Variants in CMKLR2 observed in about 807,000 individuals in gnomAD.
CMKLR2 encodes chemerin chemokine-like receptor 2.
Under a neutral mutation model 23.0 loss-of-function variants are expected in CMKLR2, and 18 were observed. The observed-to-expected ratio is 0.78, with a 90% CI of 0.54 to 1.16. The LOEUF (loss-of-function observed/expected upper bound fraction) is 1.16, where lower values mean the gene tolerates loss of function less well. Ranked by LOEUF, CMKLR2 falls within the 50% of genes most tolerant of loss-of-function variation. CMKLR2 has a pLI of 0.00. For missense variants in CMKLR2, 401 were observed against 412.7 expected (o/e 0.97, Z 0.25); for synonymous variants, 158 against 158.9 (o/e 0.99, Z 0.05).
At chr2:206,207,297 C>T (rs1351377343) in intron 1 of CMKLR2, among the ~76,000 whole-genome samples, 1 of 151,844 alleles carries the variant, frequency 6.6e-6, no homozygotes, top group African/African-American at 2.4e-5. Flanking sequence ...TGTGCCACCC[C>T]ACTTGGCTAA....
intron 1 of CMKLR2, among the ~76,000 whole-genome samples, chr2:206,193,181 C>A (rs994598194): frequency 1.3e-5 from 2 of 152,168 alleles, no homozygotes; most frequent in African/African-American, 4.8e-5. Context: ...CCACTGCAAC[C>A]TCCACCTCCT....
intron 1 of CMKLR2, among the ~76,000 whole-genome samples, chr2:206,179,077 T>G (rs1228933560): frequency 0.025 from 3,109 of 123,972 alleles, 349 homozygotes; most frequent in African/African-American, 0.088. Context: ...TTTTTTTTTT[T>G]TTTTTTTTTT....
intron 1 of CMKLR2, among the ~76,000 whole-genome samples, chr2:206,189,834 G>A (rs1417076582): frequency 6.6e-6 from 1 of 152,044 alleles, no homozygotes; most frequent in Non-Finnish European, 1.5e-5. Context: ...GGTGGTATTT[G>A]GGACATTGCT....
intron 1 of CMKLR2, among the ~76,000 whole-genome samples, chr2:206,181,607 T>C (rs1446878471): frequency 1.3e-5 from 2 of 152,210 alleles, no homozygotes; most frequent in Non-Finnish European, 2.9e-5. Flanking sequence ...TTTTATGTAT[T>C]ATATACGTAT....
intron 1 of CMKLR2, among the ~76,000 whole-genome samples, chr2:206,179,811 T>G (rs17222585): frequency 0.11 from 16,155 of 152,200 alleles, 1,001 homozygotes; most frequent in Admixed American, 0.2. Context: ...TTATATTCAT[T>G]TCATGGAGTT....
intron 1 of CMKLR2, among the ~76,000 whole-genome samples, chr2:206,195,319 C>T (rs910109683): frequency 6.6e-6 from 1 of 152,168 alleles, no homozygotes; most frequent in African/African-American, 2.4e-5. Context: ...TCTTCAGATA[C>T]TTGAAGATGC....
Position 206,176,567 on chromosome 2 carries a change from C to T in CMKLR2, c.681G>A (p.Leu227=), listed in dbSNP as rs1688222229. 6 of 1,614,110 alleles carry T rather than the reference C, an allele frequency of 3.7e-6. No individual in the cohort carries two copies. The highest frequency in any genetic ancestry group is 4.2e-6 in the Non-Finnish European group (5 of 1,180,022). Reference sequence around the variant, plus strand: ...GCTTCTTCACCTTGAAGATGAGACACAAGTAGCAAATACTCATTGTTAGCA... The same window carrying T: ...GCTTCTTCACCTTGAAGATGAGACATAAGTAGCAAATACTCATTGTTAGCA... ...FPLLTMSICY[L]CLIFKVKKRS... The change falls in exon 2 of 2, where the codon TTG becomes TTA. Residue 227 remains leucine, a synonymous_variant. Transcript: ENST00000621141.
At chr2:206,206,877 A>T (rs1689340603) in intron 1 of CMKLR2, among the ~76,000 whole-genome samples, 11 of 149,482 alleles carry the variant, frequency 7.4e-5, no homozygotes, top group Admixed American at 7.3e-4. Context: ...GTTCTTGATT[A>T]TCATCAAATC....
intron 1 of CMKLR2, among the ~76,000 whole-genome samples, chr2:206,202,516 A>G (rs955486596): frequency 3.3e-5 from 5 of 152,122 alleles, no homozygotes; most frequent in Admixed American, 6.5e-5. Context: ...ACTGGAGTGC[A>G]GTGGCGCAAT....
chr2:206,215,069 A>G (rs1372594075), upstream of CMKLR2, among the ~76,000 whole-genome samples: 2 of 152,178 alleles, frequency 1.3e-5, no homozygotes, highest in Non-Finnish European at 2.9e-5. Flanking sequence ...TAGGAAATCT[A>G]AAGCAGGAAT....
chr2:206,209,741 C>T (rs1293737510), intron 1 of CMKLR2, among the ~76,000 whole-genome samples: 3 of 151,024 alleles, frequency 2.0e-5, no homozygotes, highest in Admixed American at 2.0e-4. Flanking sequence ...CTCCGCCTCC[C>T]GGGTTCACGC....
At chr2:206,195,103 C>CA (rs1345609858) in intron 1 of CMKLR2, among the ~76,000 whole-genome samples, 3 of 152,122 alleles carry the variant, frequency 2.0e-5, no homozygotes, top group Admixed American at 6.5e-5. Flanking sequence ...ACAAAGGTAG[C>CA]AACTGCAACA....
chr2:206,212,291 A>C (rs77116592), intron 1 of CMKLR2, among the ~76,000 whole-genome samples: 2,655 of 152,304 alleles, frequency 0.017, 83 homozygotes, highest in African/African-American at 0.06. Context: ...GGCCATGAAA[A>C]ACATAATAAT....
upstream of CMKLR2, among the ~76,000 whole-genome samples, chr2:206,214,782 C>T (rs1481905943): frequency 1.3e-5 from 2 of 151,862 alleles, no homozygotes; most frequent in Non-Finnish European, 2.9e-5. Context: ...CGCCACCACG[C>T]CCGGCTAATT....
intron 1 of CMKLR2, among the ~76,000 whole-genome samples, chr2:206,208,701 A>C (rs572882627): frequency 6.6e-5 from 10 of 151,368 alleles, no homozygotes; most frequent in Non-Finnish European, 1.0e-4. Context: ...ATGCAGTGGC[A>C]TGATCACATC....
intron 1 of CMKLR2, among the ~76,000 whole-genome samples, chr2:206,184,297 TCTC>T (rs1396205027): frequency 1.4e-5 from 2 of 142,586 alleles, no homozygotes; most frequent in African/African-American, 5.2e-5. Flanking sequence ...TCTCTCTCTC[TCTC>T]TTTTTTTTTT....
intron 1 of CMKLR2, among the ~76,000 whole-genome samples, chr2:206,205,696 A>G (rs1434241269): frequency 6.6e-6 from 1 of 151,170 alleles, no homozygotes; most frequent in Non-Finnish European, 1.5e-5. Flanking sequence ...GTGTATTATT[A>G]TTATTATTAT....
chr2:206,210,060 T>G (rs1285688320), intron 1 of CMKLR2, among the ~76,000 whole-genome samples: 1 of 151,248 alleles, frequency 6.6e-6, no homozygotes, highest in African/African-American at 2.4e-5. Context: ...GCCTCCCAGG[T>G]TCAAGCAATT....
At chr2:206,194,616 A>G (rs1688859480) in intron 1 of CMKLR2, among the ~76,000 whole-genome samples, 1 of 151,264 alleles carries the variant, frequency 6.6e-6, no homozygotes, top group Non-Finnish European at 1.5e-5. Flanking sequence ...TTGTATTTTT[A>G]GTAGAGACAG....
Sources: gnomAD v4.1 joint callset for allele counts (sites outside exome capture counted in the v4.1 genomes callset) on GRCh38, gnomAD v4.1.1 for gene constraint, MANE v1.5 for transcripts, NCBI Gene and HGNC (gene_info 2026-07-23, HGNC 2026-07-21) for gene names.